The following CSMD1 variants were observed in gnomAD, a reference collection of about 807,000 sequenced individuals.
The protein encoded by CSMD1 is CUB and sushi domain-containing protein 1.
In CSMD1, 213 loss-of-function variants were observed where a neutral mutation model predicts 417.5. The observed-to-expected ratio is 0.51, with a 90% CI of 0.46 to 0.57. CSMD1 has a LOEUF of 0.57. Among genes scored for constraint, CSMD1 ranks in the 20% least tolerant of loss-of-function variants. CSMD1 has a pLI of 0.00. For missense variants in CSMD1, 6,923 were observed against 4,529.7 expected (o/e 1.53, Z -15.17); for synonymous variants, 2,862 against 1,736.8 (o/e 1.65, Z -16.11).
At chr8:4,881,146 AT>A (rs1161614829) in intron 1 of CSMD1, among the ~76,000 whole-genome samples, 1 of 152,040 alleles carries the variant, frequency 6.6e-6, no homozygotes, top group Admixed American at 6.5e-5. Flanking sequence ...TGATTTAATC[AT>A]ATTTCACTTT....
intron 2 of CSMD1, among the ~76,000 whole-genome samples, chr8:4,538,830 A>G (rs182262510): frequency 6.6e-6 from 1 of 152,336 alleles, no homozygotes; most frequent in African/African-American, 2.4e-5. Flanking sequence ...TTTGGGTCAC[A>G]AAGCTGGTGA....
chr8:3,401,659 G>C (rs1812046312), intron 15 of CSMD1, among the ~76,000 whole-genome samples: 1 of 152,180 alleles, frequency 6.6e-6, no homozygotes, highest in Admixed American at 6.5e-5. Flanking sequence ...GCATGTCTAG[G>C]TCTGTGAGAC....
intron 3 of CSMD1, among the ~76,000 whole-genome samples, chr8:4,418,289 G>C (rs576741892): frequency 6.6e-6 from 1 of 152,170 alleles, no homozygotes; most frequent in East Asian, 1.9e-4. Flanking sequence ...TTTCTAGAAA[G>C]TTTTTCAGTT....
intron 52 of CSMD1, among the ~76,000 whole-genome samples, chr8:3,014,827 G>C (rs1386221863): frequency 6.6e-6 from 1 of 151,928 alleles, no homozygotes; most frequent in African/African-American, 2.4e-5. Context: ...GAGGTGGGAG[G>C]AGCACTTGAG....
At chr8:3,342,774 T>G (rs1807743415) in intron 23 of CSMD1, among the ~76,000 whole-genome samples, 1 of 152,188 alleles carries the variant, frequency 6.6e-6, no homozygotes, top group South Asian at 2.1e-4. Context: ...TTCAAAGTAT[T>G]CCTCTTAGTT....
chr8:3,929,541 G>A (rs1379434595), intron 5 of CSMD1, among the ~76,000 whole-genome samples: 1 of 150,570 alleles, frequency 6.6e-6, no homozygotes, highest in African/African-American at 2.4e-5. Context: ...GCAGGAACTG[G>A]GTTGTCTGTC....
intron 25 of CSMD1, among the ~76,000 whole-genome samples, chr8:3,288,254 C>G (rs1389425740): frequency 2.0e-5 from 3 of 147,080 alleles, no homozygotes; most frequent in Non-Finnish European, 2.9e-5. Context: ...GGATATTGGT[C>G]TAAAGTTCTC....
rs535595950 is a variant in CSMD1, at chr8:4,042,712, A to T, written c.416-10613T>A. Among the ~76,000 whole-genome samples the T allele has an allele frequency of 2.0e-5, 3 of 151,270 alleles. No individual in the cohort carries two copies. The East Asian group carries it at 5.9e-4, about 30-fold the overall frequency. On this transcript the variant is annotated intron_variant, in intron 3 of 69. Transcript: ENST00000635120. Reference sequence around the variant, plus strand: ...TATATTTTAGGTTTCTAACATATGTAGAAGTGACAGAAATGACAGCAATAC... The same window carrying T: ...TATATTTTAGGTTTCTAACATATGTTGAAGTGACAGAAATGACAGCAATAC...
chr8:3,545,596 T>C lies in CSMD1; in HGVS notation c.1344+29349A>G, dbSNP rs187970153. On this transcript the variant is annotated intron_variant, in intron 10 of 69. Transcript: ENST00000635120. ...TCTTTACCATGAAGGCTACTTATCA[T>C]GGGCTCTCCACTGCCGTAACCCAAG... Among the ~76,000 whole-genome samples the C allele has an allele frequency of 3.1e-3, 479 of 152,346 alleles. 2 individuals are homozygous for C. Among genetic ancestry groups the C allele is most frequent in the Non-Finnish European group, 5.2e-3 (353 of 68,040 alleles).
At chr8:4,047,854 G>C (rs1040119698) in intron 3 of CSMD1, among the ~76,000 whole-genome samples, 6 of 151,866 alleles carry the variant, frequency 4.0e-5, no homozygotes, top group Admixed American at 2.6e-4. Flanking sequence ...ATGAAGTAGA[G>C]GATCAGATCT....
intron 3 of CSMD1, among the ~76,000 whole-genome samples, chr8:4,357,631 A>C (rs1584951162): frequency 6.6e-6 from 1 of 152,168 alleles, no homozygotes; most frequent in African/African-American, 2.4e-5. Flanking sequence ...TTAAATAAAT[A>C]CAATATCTAC....
chr8:4,793,447 C>G (rs11787015), intron 1 of CSMD1, among the ~76,000 whole-genome samples: 134,869 of 151,860 alleles, frequency 0.89, 61,118 homozygotes, highest in Non-Finnish European at 0.98. Flanking sequence ...ATCACTTTCT[C>G]CTCCAGCTCC....
intron 3 of CSMD1, among the ~76,000 whole-genome samples, chr8:4,128,196 T>G (rs1368373592): frequency 3.9e-5 from 6 of 152,018 alleles, no homozygotes; most frequent in South Asian, 2.1e-4. Flanking sequence ...AAAAGTGCCC[T>G]GAGAAAACAG....
intron 3 of CSMD1, among the ~76,000 whole-genome samples, chr8:4,347,784 A>T (rs1800857788): frequency 6.6e-6 from 1 of 152,068 alleles, no homozygotes; most frequent in African/African-American, 2.4e-5. Context: ...AGTTTTAGTA[A>T]CTCTAAATAA....
At chr8:3,190,174 CGTGG>C in intron 33 of CSMD1, 59 bp from the exon 34 acceptor site, 3 of 1,347,154 alleles carry the variant, frequency 2.2e-6, no homozygotes, top group Non-Finnish European at 3.1e-6. Context: ...CAGGACGTTG[CGTGG>C]AACGTGGGTT....
intron 65 of CSMD1, among the ~76,000 whole-genome samples, chr8:2,953,184 G>A (rs1049887637): frequency 1.3e-5 from 2 of 152,120 alleles, no homozygotes; most frequent in Non-Finnish European, 2.9e-5. Flanking sequence ...CCTGGATAAA[G>A]AGCACTGACT....
At chr8:4,745,249 A>T (rs938978031) in intron 1 of CSMD1, among the ~76,000 whole-genome samples, 1 of 152,182 alleles carries the variant, frequency 6.6e-6, no homozygotes, top group Non-Finnish European at 1.5e-5. Context: ...TTGGTCCTAG[A>T]GAGAATTGTA....
At chr8:2,986,887 T>C (rs1028110736) in intron 54 of CSMD1, among the ~76,000 whole-genome samples, 3 of 152,082 alleles carry the variant, frequency 2.0e-5, no homozygotes, top group African/African-American at 4.8e-5. Context: ...GCAAAAGTAA[T>C]TGCGGTTTTT....
intron 1 of CSMD1, among the ~76,000 whole-genome samples, chr8:4,758,878 G>C (rs1280347306): frequency 1.3e-5 from 2 of 152,114 alleles, no homozygotes; most frequent in Non-Finnish European, 2.9e-5. Context: ...AAGTGATTTG[G>C]GTGAGGACAC....
Sources: gnomAD v4.1 joint callset for allele counts (sites outside exome capture counted in the v4.1 genomes callset) on GRCh38, gnomAD v4.1.1 for gene constraint, MANE v1.5 for transcripts, NCBI Gene and HGNC (gene_info 2026-07-23, HGNC 2026-07-21) for gene names.